The following SLC25A53 variants were observed in gnomAD, a reference collection of about 807,000 sequenced individuals.
SLC25A53 encodes the protein mitochondrial carrier triple repeat protein 6.
In SLC25A53, 5 loss-of-function variants were observed where a neutral mutation model predicts 15.0. The ratio of observed to expected loss-of-function variants is 0.33; its 90% CI spans 0.17 to 0.70. The LOEUF is 0.70. Among genes scored for constraint, SLC25A53 ranks in the 30% least tolerant of loss-of-function variants. The pLI is 0.67. For synonymous variants in SLC25A53, 95 were observed against 100.0 expected, an observed-to-expected ratio of 0.95 and a Z score of 0.30; for missense variants, 216 against 241.6, an observed-to-expected ratio of 0.89 and a Z score of 0.70.
rs1157471872 is a variant in SLC25A53, at chrX:104,100,398, A to G, written c.*3936T>C. The G allele has an allele frequency of 9.0e-6, 1 of 111,415 alleles. No individual in the cohort carries two copies. 9.2% of individuals were successfully genotyped at this position (111,415 alleles called of 1,213,427 possible). A position where few individuals can be genotyped will look rare whatever the true frequency, so the allele number is the denominator to read the frequency against. ...AGATATAGATATTTATTACCTCCTT[A>G]TTTTATTGGTCTCAACTCCTAAAAC... On this transcript the variant is annotated 3_prime_UTR_variant, in exon 2 of 2. Coordinates refer to ENST00000594199, the MANE Select transcript of SLC25A53 (RefSeq NM_001012755.5).
intron 1 of SLC25A53, among the ~76,000 whole-genome samples, chrX:104,138,504 C>G (rs1414487995): frequency 1.8e-5 from 2 of 112,279 alleles, no homozygotes; most frequent in African/African-American, 6.5e-5. Flanking sequence ...AGCTGAAGCC[C>G]CAGTGGGCGT....
At chrX:104,105,737 C>T (rs1414531737) in intron 1 of SLC25A53, among the ~76,000 whole-genome samples, 18 of 112,127 alleles carry the variant, frequency 1.6e-4, no homozygotes, top group East Asian at 5.6e-4. Flanking sequence ...AATGCTTTCT[C>T]TAAAAGTTGG....
chrX:104,129,856 A>ATGTG (rs1396046247), intron 1 of SLC25A53, among the ~76,000 whole-genome samples: 49 of 50,431 alleles, frequency 9.7e-4, no homozygotes, highest in Middle Eastern at 0.011. Flanking sequence ...ATCCACACAA[A>ATGTG]TGTATGTGTG....
At chrX:104,106,030 C>T (rs1330758143) in intron 1 of SLC25A53, among the ~76,000 whole-genome samples, 2 of 111,904 alleles carry the variant, frequency 1.8e-5, no homozygotes, top group South Asian at 3.7e-4. Flanking sequence ...CCTCTGCACT[C>T]GAGAATGTTC....
At chrX:104,132,380 C>T (rs1398072516) in intron 1 of SLC25A53, among the ~76,000 whole-genome samples, 1 of 111,810 alleles carries the variant, frequency 8.9e-6, no homozygotes, top group Non-Finnish European at 1.9e-5. Context: ...CCTTATGCCC[C>T]TGAACATGCC....
Position 104,101,200 on chromosome X carries a change from G to C in SLC25A53, c.*3134C>G, listed in dbSNP as rs782247384. 1 of 112,606 alleles carries C rather than the reference G, an allele frequency of 8.9e-6. No homozygotes were observed. Among genetic ancestry groups the C allele is most frequent in the South Asian group, 3.7e-4 (1 of 2,717 alleles). 9.3% of individuals were successfully genotyped at this position (112,606 alleles called of 1,213,427 possible). A position where few individuals can be genotyped will look rare whatever the true frequency, so the allele number is the denominator to read the frequency against. On this transcript the variant is annotated 3_prime_UTR_variant, in exon 2 of 2. Transcript: ENST00000594199. Reference sequence around the variant, plus strand: ...GGTGAGGTACTGCGGAAGGGGCTCAGAGCTTCTGTGCCCTCCCTGGGTCAC... The same window carrying C: ...GGTGAGGTACTGCGGAAGGGGCTCACAGCTTCTGTGCCCTCCCTGGGTCAC...
At chrX:104,138,912 CAT>C (rs1367305994) in intron 1 of SLC25A53, among the ~76,000 whole-genome samples, 1 of 111,853 alleles carries the variant, frequency 8.9e-6, no homozygotes, top group Non-Finnish European at 1.9e-5. Context: ...TGCCCAGCCA[CAT>C]GTGTGTCTGC....
At chrX:104,119,186 A>G (rs1371486003) in intron 1 of SLC25A53, among the ~76,000 whole-genome samples, 1 of 112,354 alleles carries the variant, frequency 8.9e-6, no homozygotes, top group African/African-American at 3.2e-5. Context: ...ATGACACTAA[A>G]TATGAATCCC....
At chrX:104,128,769 C>T (rs998151782) in intron 1 of SLC25A53, among the ~76,000 whole-genome samples, 2 of 108,849 alleles carry the variant, frequency 1.8e-5, no homozygotes, top group Non-Finnish European at 3.8e-5. Flanking sequence ...GACACAGACA[C>T]ACACACGTAC....
At chrX:104,109,836 G>A (rs1214240441) in intron 1 of SLC25A53, among the ~76,000 whole-genome samples, 3 of 112,356 alleles carry the variant, frequency 2.7e-5, no homozygotes, top group Admixed American at 9.4e-5. Flanking sequence ...TGGCACAAAG[G>A]AGGCAGGCAG....
At chrX:104,147,108 T>C (rs1258681219) in intron 1 of SLC25A53, among the ~76,000 whole-genome samples, 1 of 111,121 alleles carries the variant, frequency 9.0e-6, no homozygotes, top group Non-Finnish European at 1.9e-5. Flanking sequence ...AACAGAGATA[T>C]AGATCAATGG....
intron 1 of SLC25A53, among the ~76,000 whole-genome samples, chrX:104,127,036 C>CA (rs1160913931): frequency 8.9e-6 from 1 of 112,222 alleles, no homozygotes; most frequent in African/African-American, 3.2e-5. Flanking sequence ...TATAGTCACA[C>CA]AAAAACCTGC....
intron 1 of SLC25A53, among the ~76,000 whole-genome samples, chrX:104,127,435 T>C (rs1246495647): frequency 1.8e-5 from 2 of 111,669 alleles, no homozygotes; most frequent in Non-Finnish European, 3.8e-5. Flanking sequence ...TAAACAAATC[T>C]ATACATGGGA....
chrX:104,137,945 G>T (rs1411759561), intron 1 of SLC25A53, among the ~76,000 whole-genome samples: 1 of 112,367 alleles, frequency 8.9e-6, no homozygotes, highest in Admixed American at 9.4e-5. Context: ...TTCCTAACAT[G>T]ATGGAGACAA....
chrX:104,121,689 G>A (rs1556362741), intron 1 of SLC25A53, among the ~76,000 whole-genome samples: 1 of 107,254 alleles, frequency 9.3e-6, no homozygotes, highest in Admixed American at 1.0e-4. Flanking sequence ...AGGAGGAGCG[G>A]GTTGTTTTTA....
chrX:104,133,587 A>AC (rs1217061655), intron 1 of SLC25A53, among the ~76,000 whole-genome samples: 1 of 111,210 alleles, frequency 9.0e-6, no homozygotes, highest in African/African-American at 3.3e-5. Flanking sequence ...ATTTACTATG[A>AC]CCCCCAGCAC....
intron 1 of SLC25A53, among the ~76,000 whole-genome samples, chrX:104,138,175 G>A (rs1254494587): frequency 9.0e-6 from 1 of 111,391 alleles, no homozygotes; most frequent in African/African-American, 3.3e-5. Context: ...TTGGGAGGCT[G>A]AGGCAGGAAG....
intron 1 of SLC25A53, among the ~76,000 whole-genome samples, chrX:104,105,620 A>G (rs1747991130): frequency 8.9e-6 from 1 of 112,603 alleles, no homozygotes; most frequent in South Asian, 3.7e-4. Context: ...CTTTCACGAC[A>G]TGAAACTGTG....
At chrX:104,130,712 T>C in intron 1 of SLC25A53, 1 of 110,619 alleles carries the variant, frequency 9.0e-6, no homozygotes, top group Middle Eastern at 4.7e-3. Flanking sequence ...CAACATTCTC[T>C]TTCTCCTAAC....
Sources: gnomAD v4.1 joint callset for allele counts (sites outside exome capture counted in the v4.1 genomes callset) on GRCh38, gnomAD v4.1.1 for gene constraint, MANE v1.5 for transcripts, NCBI Gene and HGNC (gene_info 2026-07-23, HGNC 2026-07-21) for gene names.